LTA4H: variants seen among roughly 807,000 people sequenced by gnomAD.
LTA4H encodes the protein leukotriene A-4 hydrolase.
Under a neutral mutation model 89.8 loss-of-function variants are expected in LTA4H, and 59 were observed. That is an observed-to-expected ratio of 0.66 (90% CI 0.53 to 0.82). The LOEUF is 0.82. LTA4H is among the 40% of genes least tolerant of loss of function. The probability of loss-of-function intolerance (pLI) is 0.00; values close to 1 mark genes in which losing one functional copy is unlikely to be tolerated. For synonymous variants in LTA4H, 227 were observed against 253.1 expected, an observed-to-expected ratio of 0.90 and a Z score of 0.98; for missense variants, 617 against 727.0, an observed-to-expected ratio of 0.85 and a Z score of 1.74.
rs1415876784 is a variant in LTA4H, at chr12:96,015,638, C to T, written c.1004G>A (p.Gly335Asp). The change falls in exon 11 of 19, where the codon GGT becomes GAT. Residue 335 changes from glycine to aspartate, a missense_variant. Transcript: ENST00000228740. The stretch of plus-strand genomic sequence containing the variant: ...AGCATTAAAATGTCTGAACTTTTCA[C>T]CAAACAATCGTCCGCAAATGTGGCG... The part of the protein sequence containing the change: ...LERHICGRLF[G>D]EKFRHFNALG... The T allele has an allele frequency of 6.2e-7, 1 of 1,614,014 alleles. No homozygotes were observed. Among genetic ancestry groups the T allele is most frequent in the African/African-American group, 1.3e-5 (1 of 74,922 alleles).
At position 96,013,234 on chromosome 12, in the gene LTA4H, A is replaced by T; in HGVS notation, c.1333T>A (p.Trp445Arg). ...DKVDVLNQVD[W>R]NAWLYSPGLP... ...CCAGGAGAGTAGAGCCAGGCATTCCAATCAACTTGATTGAGAACATCAACC... is the reference window on the plus strand; with the variant it reads ...CCAGGAGAGTAGAGCCAGGCATTCCTATCAACTTGATTGAGAACATCAACC... The change falls in exon 14 of 19, where the codon TGG becomes AGG. Residue 445 changes from tryptophan to arginine, a missense_variant. Trp to Arg is a moderately radical substitution (Grantham distance 101). Transcript: ENST00000228740. 1.2e-6 allele frequency: 2 copies of T among 1,613,722 alleles called. No homozygotes were observed. The highest frequency in any genetic ancestry group is 1.7e-6 in the Non-Finnish European group (2 of 1,179,680).
chr12:96,023,588 T>C (rs1423553433), intron 4 of LTA4H, among the ~76,000 whole-genome samples: 1 of 152,168 alleles, frequency 6.6e-6, no homozygotes, highest in Non-Finnish European at 1.5e-5. Context: ...AATTTGGTTG[T>C]GGGATGATTT....
intron 16 of LTA4H, 109 bp downstream of exon 16, chr12:96,006,205 T>G: frequency 3.5e-6 from 2 of 577,578 alleles, no homozygotes; most frequent in Non-Finnish European, 6.1e-6. Context: ...TATAAATGAT[T>G]TTTTCCCCAT....
chr12:96,035,592 TGAGGAGGAGGGAGAGAGGTAAAGAA>T, upstream of LTA4H: 1 of 1,494,384 alleles, frequency 6.7e-7, no homozygotes, highest in Non-Finnish European at 9.0e-7. Flanking sequence ...ATAGAGAACC[TGAGGAGGAGGGAGAGAGGTAAAGAA>T]GAGGAGGAGG....
rs755710060 is a variant in LTA4H, at chr12:96,014,965, T to G, written c.1094A>C (p.Lys365Thr). 1 of 1,613,116 alleles carries G rather than the reference T, an allele frequency of 6.2e-7. No homozygotes were observed. The highest frequency in any genetic ancestry group is 1.3e-5 in the African/African-American group (1 of 75,000). The change falls in exon 12 of 19, where the codon AAA becomes ACA. Residue 365 changes from lysine (K) to threonine (T), a missense_variant. By Grantham distance (78) the Lys-to-Thr change is moderately conservative. This residue lies in a region of LTA4H where 290 missense variants were observed against 339.1 expected (regional missense o/e 0.86). Transcript: ENST00000228740. ...KTFGETHPFT[K>T]LVVDLTDIDP... is the part of the protein sequence containing the mutation. ...TATATCTGTCAGATCAACCACAAGT[T>G]TGGTGAAAGGATGTGTCTCCCCAAA...
At chr12:96,038,292 CAAAAT>C (rs892484892), upstream of LTA4H, among the ~76,000 whole-genome samples, 25 of 152,110 alleles carry the variant, frequency 1.6e-4, no homozygotes, top group African/African-American at 5.8e-4. Flanking sequence ...CAAAGGAAAA[CAAAAT>C]AAAACCAAAA....
chr12:96,006,311 T>C lies in LTA4H; in HGVS notation c.1530+3A>G. On this transcript the variant is annotated splice_donor_region_variant and intron_variant, in intron 16 of 18. Transcript: ENST00000228740. ...ATTTCTAAGATTTTGAGCTAGTACTTACCCTCTGGAGCGTCTGTGCTAAAA... is the reference window on the plus strand; with the variant it reads ...ATTTCTAAGATTTTGAGCTAGTACTCACCCTCTGGAGCGTCTGTGCTAAAA... The C allele has an allele frequency of 6.3e-7, 1 of 1,590,638 alleles. No homozygotes were observed. The highest frequency in any genetic ancestry group is 8.6e-7 in the Non-Finnish European group (1 of 1,162,070).
At chr12:96,021,834 G>A (rs1456636867) in intron 5 of LTA4H, among the ~76,000 whole-genome samples, 1 of 152,120 alleles carries the variant, frequency 6.6e-6, no homozygotes, top group Non-Finnish European at 1.5e-5. Context: ...TGCCCACACT[G>A]TAGTACCAGG....
At chr12:96,011,406 T>C (rs1403674738) in intron 14 of LTA4H, 1 of 152,216 alleles carries the variant, frequency 6.6e-6, no homozygotes, top group Non-Finnish European at 1.5e-5. Flanking sequence ...ACAATGAACC[T>C]TTGAAATCTT....
chr12:96,005,631 G>A (rs184730529), intron 16 of LTA4H, among the ~76,000 whole-genome samples: 1 of 152,248 alleles, frequency 6.6e-6, no homozygotes, highest in Non-Finnish European at 1.5e-5. Flanking sequence ...AGCCCTGGGG[G>A]TGCAAAGCAA....
intron 16 of LTA4H, among the ~76,000 whole-genome samples, chr12:96,004,982 T>C (rs1040332308): frequency 6.6e-6 from 1 of 152,194 alleles, no homozygotes; most frequent in African/African-American, 2.4e-5. Flanking sequence ...ATGGGTCCTT[T>C]GTTGCGTCAA....
intron 16 of LTA4H, among the ~76,000 whole-genome samples, chr12:96,005,937 G>A (rs1371777487): frequency 6.6e-6 from 1 of 151,764 alleles, no homozygotes; most frequent in Non-Finnish European, 1.5e-5. Context: ...TAGTAGAGAC[G>A]AGATTTCATC....
upstream of LTA4H, among the ~76,000 whole-genome samples, chr12:96,035,877 C>T (rs1950636958): frequency 6.6e-6 from 1 of 152,168 alleles, no homozygotes; most frequent in African/African-American, 2.4e-5. Flanking sequence ...AAACTGAACA[C>T]TACCATTTTG....
In LTA4H at chr12:96,003,080, G is replaced by A; in HGVS notation, c.1614-16C>T. On this transcript the variant is annotated splice_polypyrimidine_tract_variant and intron_variant, in intron 17 of 18. Transcript: ENST00000228740. ...CCGCAGCCATCTAAAAGGAGGATTT[G>A]GGGGGAGCATGGAGTAGAAAATGAG... The A allele has an allele frequency of 1.3e-6, 2 of 1,543,546 alleles. No individual in the cohort carries two copies. Among genetic ancestry groups the A allele is most frequent in the South Asian group, 2.3e-5 (2 of 85,842 alleles).
chr12:96,019,785 A>G (rs917249162), intron 6 of LTA4H, among the ~76,000 whole-genome samples: 1 of 151,084 alleles, frequency 6.6e-6, no homozygotes, highest in Non-Finnish European at 1.5e-5. Flanking sequence ...TATTTTTAGT[A>G]GAGACAGGGT....
At chr12:96,019,764 T>C (rs1950430122) in intron 6 of LTA4H, among the ~76,000 whole-genome samples, 1 of 151,494 alleles carries the variant, frequency 6.6e-6, no homozygotes, top group African/African-American at 2.4e-5. Context: ...GCTAATTTTT[T>C]CTTTTTTTTG....
Position 96,035,434 on chromosome 12 carries a change from T to C in LTA4H, c.86A>G (p.Asp29Gly). 6.2e-7 allele frequency: 1 copy of C among 1,610,410 alleles called. No homozygotes were observed. The highest frequency in any genetic ancestry group is 8.5e-7 in the Non-Finnish European group (1 of 1,178,474). ...TKHLHLRCSV[D>G]FTRRTLTGTA... ...CCCGGTCAGCGTCCGGCGAGTAAAGTCGACGCTGCAGCGCAGGTGCAGGTG... is the reference window on the plus strand; with the variant it reads ...CCCGGTCAGCGTCCGGCGAGTAAAGCCGACGCTGCAGCGCAGGTGCAGGTG... The change falls in exon 1 of 19, where the codon GAC becomes GGC. Residue 29 changes from aspartate (D) to glycine (G), a missense_variant. Around this residue, in one of 3 missense-constraint regions of LTA4H, gnomAD observed 155 missense variants for 143.3 expected, o/e 1.08. Transcript: ENST00000228740.
chr12:96,008,012 A>G (rs1950230525), intron 15 of LTA4H, among the ~76,000 whole-genome samples: 1 of 152,234 alleles, frequency 6.6e-6, no homozygotes, highest in African/African-American at 2.4e-5. Context: ...AAACGACTGT[A>G]TATTCATGGA....
rs73216298 is a variant in LTA4H, at chr12:96,014,606, C to T, written c.1204+249G>A. Among the ~76,000 whole-genome samples the T allele has an allele frequency of 6.3e-3, 966 of 152,204 alleles. 4 individuals carry two copies. The highest frequency in any genetic ancestry group is 0.017 in the Middle Eastern group (5 of 294). On this transcript the variant is annotated intron_variant, in intron 12 of 18. Coordinates refer to ENST00000228740, the MANE Select transcript of LTA4H (RefSeq NM_000895.3). ...ACCATAGAAATGTTTTCAGGGAATA[C>T]ACACTATTATCCTAATTTCAAAAAC...
Sources: gnomAD v4.1 joint callset for allele counts (sites outside exome capture counted in the v4.1 genomes callset) on GRCh38, gnomAD v4.1.1 for gene constraint, gnomAD v4.1.1 regional missense constraint, MANE v1.5 for transcripts, NCBI Gene and HGNC (gene_info 2026-07-23, HGNC 2026-07-21) for gene names.